QRSL1: variants seen among roughly 807,000 people sequenced by gnomAD.
QRSL1 encodes the protein glutaminyl-tRNA amidotransferase subunit QRSL1, also known as glutamyl-tRNA(Gln) amidotransferase subunit A, mitochondrial.
Under a neutral mutation model 61.6 loss-of-function variants are expected in QRSL1, and 54 were observed. The observed-to-expected ratio is 0.88, with a 90% CI of 0.70 to 1.10. QRSL1 has a LOEUF of 1.10. QRSL1 is among the 50% of genes least tolerant of loss of function. QRSL1 has a pLI of 0.00. For missense variants in QRSL1, 505 were observed against 622.6 expected, an observed-to-expected ratio of 0.81 and a Z score of 2.01; for synonymous variants, 228 against 225.7, an observed-to-expected ratio of 1.01 and a Z score of -0.09.
chr6:106,638,799 T>TA (rs745707975), intron 1 of QRSL1, among the ~76,000 whole-genome samples: 7 of 152,276 alleles, frequency 4.6e-5, no homozygotes, highest in Admixed American at 2.0e-4. Context: ...TTGTTGCATT[T>TA]AAAACCCTCA....
chr6:106,644,996 T>C (rs957393776), intron 4 of QRSL1, among the ~76,000 whole-genome samples: 1 of 152,186 alleles, frequency 6.6e-6, no homozygotes, highest in African/African-American at 2.4e-5. Context: ...ATAAAAAAGA[T>C]TATCCTTTTC....
chr6:106,642,752 G>C, intron 3 of QRSL1: 1 of 737,970 alleles, frequency 1.4e-6, no homozygotes, highest in Admixed American at 1.8e-5. Context: ...TAAGAGCCGA[G>C]ATAGCTTCCT....
Position 106,629,650 on chromosome 6 carries a change from G to C in QRSL1, c.-32G>C. ...GTGACCTCTTTTTCCCCCTTGCCTG[G>C]CTCCTGTGGTGGCAGGCTGGGCACG... On this transcript the variant is annotated 5_prime_UTR_variant, in exon 1 of 11. Transcript: ENST00000369046. The C allele has an allele frequency of 6.3e-7, 1 of 1,595,742 alleles. No individual in the cohort carries two copies. The highest frequency in any genetic ancestry group is 8.5e-7 in the Non-Finnish European group (1 of 1,171,920).
intron 1 of QRSL1, among the ~76,000 whole-genome samples, chr6:106,639,119 G>GTTTTTTTTT (rs1177849683): frequency 3.8e-4 from 47 of 122,800 alleles, no homozygotes; most frequent in Middle Eastern, 5.1e-3. Flanking sequence ...GTGTTTTGTT[G>GTTTTTTTTT]TTTTTTTTTT....
At chr6:106,650,927 G>A (rs1351688206) in intron 5 of QRSL1, among the ~76,000 whole-genome samples, 2 of 152,122 alleles carry the variant, frequency 1.3e-5, no homozygotes, top group African/African-American at 4.8e-5. Flanking sequence ...CTGTTTTCCT[G>A]AAATGGTTTT....
At chr6:106,646,315 G>A (rs565717166) in intron 4 of QRSL1, among the ~76,000 whole-genome samples, 1 of 152,210 alleles carries the variant, frequency 6.6e-6, no homozygotes, top group South Asian at 2.1e-4. Context: ...ATTGTCTGAG[G>A]ATACAATATC....
intron 1 of QRSL1, among the ~76,000 whole-genome samples, chr6:106,634,285 AGGG>A (rs1453728026): frequency 5.3e-5 from 8 of 152,330 alleles, no homozygotes; most frequent in Admixed American, 3.9e-4. Context: ...AGAAGAGGTT[AGGG>A]AGACAGGTAG....
intron 1 of QRSL1, among the ~76,000 whole-genome samples, chr6:106,632,571 G>A (rs1225289672): frequency 6.6e-6 from 1 of 152,014 alleles, no homozygotes; most frequent in East Asian, 1.9e-4. Context: ...CATAGTGGCT[G>A]TAGTAATTTA....
At position 106,663,130 on chromosome 6, in the gene QRSL1, CA is replaced by C. The variant is rs2114719433; in HGVS notation, c.1313del (p.Asn438ThrfsTer15). 1.2e-6 allele frequency: 2 copies of C among 1,614,172 alleles called. No homozygotes were observed. Among genetic ancestry groups the C allele is most frequent in the East Asian group, 4.5e-5 (2 of 44,880 alleles). On this transcript the variant is annotated frameshift_variant, in exon 10 of 11. Transcript: ENST00000369046. LOFTEE classifies it high-confidence loss of function. ...VPYLEFIKED[N>X]RTRSAQDDIF... is the part of the protein sequence containing the mutation. ...CATACTTGGAGTTCATCAAAGAGGA[CA>C]ACAGAACCCGAAGTGCCCAGGATGA...
chr6:106,635,649 C>G lies in QRSL1; in HGVS notation c.25-4700C>G, dbSNP rs59240198. 4.0e-4 allele frequency among the ~76,000 whole-genome samples: 61 copies of G among 152,202 alleles called. 1 individual carries two copies. In the East Asian group the frequency reaches 0.012, roughly 29 times the overall value. ...CAGCATTTTGGAAGGCTGAGGCGGG[C>G]AGATCACGAGGTCAGGAGTTCAAGA... On this transcript the variant is annotated intron_variant, in intron 1 of 10. Transcript: ENST00000369046.
intron 4 of QRSL1, among the ~76,000 whole-genome samples, chr6:106,647,546 G>A (rs1382289063): frequency 3.0e-5 from 3 of 99,358 alleles, no homozygotes; most frequent in Non-Finnish European, 6.0e-5. Context: ...GCAATAGAGC[G>A]AGACTGTCTC....
At chr6:106,658,620 G>A (rs1777308187) in intron 9 of QRSL1, among the ~76,000 whole-genome samples, 1 of 151,628 alleles carries the variant, frequency 6.6e-6, no homozygotes, top group Non-Finnish European at 1.5e-5. Context: ...ATTGTCTTCT[G>A]GCTTACATAG....
intron 1 of QRSL1, among the ~76,000 whole-genome samples, chr6:106,630,300 T>G (rs913516698): frequency 6.6e-6 from 1 of 152,178 alleles, no homozygotes; most frequent in Non-Finnish European, 1.5e-5. Context: ...TAATCGGTGT[T>G]GAAGTAATCA....
chr6:106,660,225 G>A (rs1777334527), intron 9 of QRSL1, among the ~76,000 whole-genome samples: 1 of 151,918 alleles, frequency 6.6e-6, no homozygotes, highest in Non-Finnish European at 1.5e-5. Context: ...TGGAGACAGG[G>A]CCTCACTTGG....
chr6:106,636,863 A>C (rs987344687), intron 1 of QRSL1, among the ~76,000 whole-genome samples: 1 of 152,204 alleles, frequency 6.6e-6, no homozygotes, highest in Admixed American at 6.5e-5. Context: ...GTGGTTCCTG[A>C]GCAAGATTTT....
chr6:106,636,599 A>T (rs374899953), intron 1 of QRSL1, among the ~76,000 whole-genome samples: 1 of 152,068 alleles, frequency 6.6e-6, no homozygotes, highest in East Asian at 1.9e-4. Flanking sequence ...GATTACAGGC[A>T]TGAGCCACCG....
At chr6:106,635,542 G>A (rs1390383335) in intron 1 of QRSL1, among the ~76,000 whole-genome samples, 1 of 152,178 alleles carries the variant, frequency 6.6e-6, no homozygotes, top group Non-Finnish European at 1.5e-5. Context: ...GAGCTCTCCT[G>A]TACCTTCAGC....
chr6:106,662,966 C>G lies in QRSL1; in HGVS notation c.1161-14C>G. The G allele has an allele frequency of 6.3e-7, 1 of 1,580,730 alleles. No homozygotes were observed. On this transcript the variant is annotated splice_polypyrimidine_tract_variant and intron_variant, in intron 9 of 10. Coordinates refer to ENST00000369046, the MANE Select transcript of QRSL1 (RefSeq NM_018292.5). ...AAAAAATCCTTAAAAACATCACCTACTTTTTTCCCACAGAAACTATGAAAA... is the reference window on the plus strand; with the variant it reads ...AAAAAATCCTTAAAAACATCACCTAGTTTTTTCCCACAGAAACTATGAAAA...
At position 106,665,962 on chromosome 6, in the gene QRSL1, TTGAAAA is replaced by T. The variant is rs1436620600; in HGVS notation, c.1554_1559del (p.Asn518_Glu519del). The T allele has an allele frequency of 7.4e-6, 12 of 1,614,006 alleles. No homozygotes were observed. Among genetic ancestry groups the T allele is most frequent in the Non-Finnish European group, 1.0e-5 (12 of 1,179,870 alleles). On this transcript the variant is annotated inframe_deletion, in exon 11 of 11. Transcript: ENST00000369046. Reference sequence around the variant, plus strand: ...CTCATGGATGATTGTTCAGCAGTCCTTGAAAATGAAAAGTTAGCCTCTGTCTCTCTA... The same window carrying T: ...CTCATGGATGATTGTTCAGCAGTCCTTGAAAAGTTAGCCTCTGTCTCTCTA...
Sources: allele counts gnomAD v4.1 joint callset (sites outside exome capture counted in the v4.1 genomes callset), GRCh38; gene constraint gnomAD v4.1.1; transcripts MANE v1.5; gene names NCBI Gene and HGNC (gene_info 2026-07-23, HGNC 2026-07-21).